Variants in AP4S1 observed in about 807,000 individuals in gnomAD.
AP4S1 encodes the protein AP-4 complex subunit sigma-1.
Under a neutral mutation model 19.8 loss-of-function variants are expected in AP4S1, and 23 were observed. The ratio of observed to expected loss-of-function variants is 1.16; its 90% confidence interval spans 0.84 to 1.65. The LOEUF is 1.65. Ranked by LOEUF, AP4S1 falls within the 40% of genes most tolerant of loss-of-function variation. The pLI, the probability that AP4S1 is intolerant of heterozygous loss-of-function variation, is 0.00. For synonymous variants in AP4S1, 46 were observed against 54.1 expected (o/e 0.85, Z 0.66); for missense variants, 166 against 172.8 (o/e 0.96, Z 0.22).
chr14:31,083,624 C>T (rs1887778596), intron 5 of AP4S1: 1 of 446,002 alleles, frequency 2.2e-6, no homozygotes, highest in Non-Finnish European at 4.5e-6. Flanking sequence ...CCTACCTCAG[C>T]CTCCCAAGTA....
rs1435072190 is a variant in AP4S1 at position 31,093,656 on chromosome 14, A to G, written c.*621A>G. ...GAGACAGGGTTTCACCATGTTGGCC[A>G]GGCTGTCTCAAACTCCTGACCTCAG... is the stretch of plus-strand genomic sequence containing the variant. On this transcript the variant is annotated 3_prime_UTR_variant, in exon 6 of 6. Coordinates refer to ENST00000542754, the MANE Select transcript of AP4S1 (RefSeq NM_001128126.3). The G allele has an allele frequency of 1.3e-5, 2 of 152,324 alleles. No individual in the cohort carries two copies. Among genetic ancestry groups the G allele is most frequent in the African/African-American group, 4.8e-5 (2 of 41,400 alleles). The allele number at this position is 152,324 out of a possible 1,614,324, so 9.4% of individuals were successfully genotyped here. A position where few individuals can be genotyped will look rare whatever the true frequency, so the allele number is the denominator to read the frequency against.
rs2038949706 is a variant in AP4S1, at chr14:31,041,491, A to G, written c.-72+15704A>G. Among the ~76,000 whole-genome samples the G allele has an allele frequency of 2.6e-5, 4 of 152,192 alleles. No individual in the cohort carries two copies. In the South Asian group the frequency reaches 6.2e-4, roughly 24 times the overall value. ...ATTTGAGGGGAAAACTTGATTCACC[A>G]TTTATTAGAAATGGGAAGTAATCTG... On this transcript the variant is annotated intron_variant, in intron 1 of 5. Coordinates refer to ENST00000542754, the MANE Select transcript of AP4S1 (RefSeq NM_001128126.3).
At chr14:31,040,166 T>TC (rs11406285) in intron 1 of AP4S1, among the ~76,000 whole-genome samples, 9 of 150,598 alleles carry the variant, frequency 6.0e-5, no homozygotes, top group Non-Finnish European at 8.9e-5. Flanking sequence ...TTTTTTTTTT[T>TC]CCTGAGACAG....
chr14:31,075,030 G>A (rs1887279487), intron 4 of AP4S1, among the ~76,000 whole-genome samples: 1 of 152,094 alleles, frequency 6.6e-6, no homozygotes, highest in African/African-American at 2.4e-5. Context: ...CTTTATGCTA[G>A]GAACATTTGA....
chr14:31,047,569 T>C (rs954394089), intron 1 of AP4S1, among the ~76,000 whole-genome samples: 1 of 151,476 alleles, frequency 6.6e-6, no homozygotes, highest in Non-Finnish European at 1.5e-5. Flanking sequence ...TTTTTTATGG[T>C]TTTTTTTAGT....
At chr14:31,047,912 A>G (rs1469848084) in intron 1 of AP4S1, among the ~76,000 whole-genome samples, 1 of 152,026 alleles carries the variant, frequency 6.6e-6, no homozygotes, top group Non-Finnish European at 1.5e-5. Flanking sequence ...CCTGGCCTCA[A>G]GTGATTCGCT....
At chr14:31,035,638 CTTTT>C (rs59967096) in intron 1 of AP4S1, among the ~76,000 whole-genome samples, 2 of 133,546 alleles carry the variant, frequency 1.5e-5, no homozygotes. Flanking sequence ...GTTTTTAGGT[CTTTT>C]TTTTTTTTTT....
intron 4 of AP4S1, among the ~76,000 whole-genome samples, chr14:31,075,647 A>C (rs548897507): frequency 6.6e-6 from 1 of 152,162 alleles, no homozygotes; most frequent in South Asian, 2.1e-4. Context: ...CATTGAGTGT[A>C]GTGTTTTCAA....
chr14:31,080,717 G>A, intron 5 of AP4S1, 133 bp downstream of exon 5: 1 of 1,293,122 alleles, frequency 7.7e-7, no homozygotes, highest in Admixed American at 1.7e-5. Flanking sequence ...TGACAAGACA[G>A]CCAGAGGTGT....
At chr14:31,075,683 CAG>C (rs988549453) in intron 4 of AP4S1, among the ~76,000 whole-genome samples, 6 of 151,686 alleles carry the variant, frequency 4.0e-5, no homozygotes, top group Admixed American at 2.0e-4. Context: ...TAGCATATAT[CAG>C]TACTTCTTTC....
At position 31,066,287 on chromosome 14, in the gene AP4S1, C is replaced by G; in HGVS notation, c.91C>G (p.Leu31Val). The change falls in exon 2 of 6, where the codon CTG (leucine) becomes GTG (valine). Residue 31 changes from leucine (L) to valine (V), a missense_variant. Physicochemically the swap from Leu to Val is conservative, Grantham distance 32. Transcript: ENST00000542754. ...EHVDINKRTL[L>V]ETEVIKSCLS... is the part of the protein sequence containing the mutation. ...TGTGGATATTAATAAGCGTACACTT[C>G]TGGAAACAGAAGTCATAAAGAGCTG... The G allele has an allele frequency of 6.2e-7, 1 of 1,614,012 alleles. No homozygotes were observed. Among genetic ancestry groups the G allele is most frequent in the African/African-American group, 1.3e-5 (1 of 75,028 alleles).
chr14:31,089,453 A>G (rs1888017473), intron 5 of AP4S1, among the ~76,000 whole-genome samples: 1 of 152,226 alleles, frequency 6.6e-6, no homozygotes. Flanking sequence ...ACCCAAATCT[A>G]GAGTTAGAAA....
intron 5 of AP4S1, chr14:31,086,410 A>ATTTGTTTG (rs143384644): frequency 6.6e-6 from 1 of 152,308 alleles, no homozygotes; most frequent in African/African-American, 2.4e-5. Flanking sequence ...GAATGGCTTG[A>ATTTGTTTG]TTTGTTTGTT....
At chr14:31,044,362 G>A (rs1488986854) in intron 1 of AP4S1, among the ~76,000 whole-genome samples, 1 of 151,874 alleles carries the variant, frequency 6.6e-6, no homozygotes, top group African/African-American at 2.4e-5. Flanking sequence ...TTTTTTTAAA[G>A]ACAGAGTCTC....
chr14:31,068,696 T>C (rs1451756864), intron 2 of AP4S1, among the ~76,000 whole-genome samples: 1 of 152,268 alleles, frequency 6.6e-6, no homozygotes. Context: ...TTAGATACTT[T>C]TGATGCATTC....
chr14:31,043,151 G>A (rs967792496), intron 1 of AP4S1, among the ~76,000 whole-genome samples: 1 of 151,876 alleles, frequency 6.6e-6, no homozygotes, highest in Non-Finnish European at 1.5e-5. Flanking sequence ...AACTCGGGAG[G>A]CGGAAGTTGC....
At chr14:31,028,179 A>AT (rs1442151404) in intron 1 of AP4S1, among the ~76,000 whole-genome samples, 5 of 116,094 alleles carry the variant, frequency 4.3e-5, no homozygotes, top group Non-Finnish European at 5.1e-5. Flanking sequence ...TTATTATTTT[A>AT]TTTATTTTTT....
At chr14:31,026,265 G>A in intron 1 of AP4S1, 1 of 1,314,226 alleles carries the variant, frequency 7.6e-7, no homozygotes. Context: ...CCCCGCGCTG[G>A]CTGCGGGGCG....
intron 4 of AP4S1, among the ~76,000 whole-genome samples, chr14:31,080,222 C>T (rs1887566104): frequency 6.6e-6 from 1 of 152,184 alleles, no homozygotes; most frequent in Non-Finnish European, 1.5e-5. Flanking sequence ...GGATAAACTA[C>T]TAGAAGTAAC....
Sources: allele counts gnomAD v4.1 joint callset (sites outside exome capture counted in the v4.1 genomes callset), GRCh38; gene constraint gnomAD v4.1.1; transcripts MANE v1.5; gene names NCBI Gene and HGNC (gene_info 2026-07-23, HGNC 2026-07-21).